SREK1: variants seen among roughly 807,000 people sequenced by gnomAD.
SREK1 encodes splicing regulatory glutamic acid and lysine rich protein 1.
In SREK1, 13 loss-of-function variants were observed where a neutral mutation model predicts 66.5. That is an observed-to-expected ratio of 0.20 (90% CI 0.13 to 0.31). SREK1 has a LOEUF of 0.31. SREK1 is among the 10% of genes least tolerant of loss of function. The pLI, the probability that SREK1 is intolerant of heterozygous loss-of-function variation, is 1.00. For missense variants in SREK1, 607 were observed against 769.6 expected (o/e 0.79, Z 2.50); for synonymous variants, 265 against 263.5 (o/e 1.01, Z -0.05).
At chr5:66,174,829 T>C in intron 9 of SREK1, 117 bp from the exon 10 acceptor site, 1 of 851,816 alleles carries the variant, frequency 1.2e-6, no homozygotes, top group South Asian at 1.9e-5. Context: ...AAGTTTAAAC[T>C]GGCCTCTAAA....
At chr5:66,152,036 G>A (rs1015639526) in intron 1 of SREK1, among the ~76,000 whole-genome samples, 1 of 151,720 alleles carries the variant, frequency 6.6e-6, no homozygotes, top group Non-Finnish European at 1.5e-5. Context: ...TAGTAGAGAC[G>A]GGGTTTCACC....
intron 10 of SREK1, among the ~76,000 whole-genome samples, chr5:66,175,484 C>T (rs1745985471): frequency 6.6e-6 from 1 of 152,066 alleles, no homozygotes. Flanking sequence ...AGTTTTTTAA[C>T]TAGGCTACAG....
chr5:66,151,696 G>C (rs1580622004), intron 1 of SREK1, among the ~76,000 whole-genome samples: 1 of 152,292 alleles, frequency 6.6e-6, no homozygotes, highest in East Asian at 1.9e-4. Flanking sequence ...TGTGCATACA[G>C]TTAACCTCAG....
At chr5:66,167,347 C>T (rs936732751) in intron 7 of SREK1, 2 of 152,164 alleles carry the variant, frequency 1.3e-5, no homozygotes, top group African/African-American at 4.8e-5. Context: ...TTTAAGTAAC[C>T]TTTATAGATT....
Position 66,153,610 on chromosome 5 carries a change from T to C in SREK1, c.295+14T>C, listed in dbSNP as rs368149251. On this transcript the variant is annotated intron_variant, in intron 2 of 11. Coordinates refer to ENST00000334121, the MANE Select transcript of SREK1 (RefSeq NM_001077199.3). ...CTTGTGCAGAAGGTTGGTATCTCGCTTTTTTTCCTCTTATTTGAATTTCTG... is the reference window on the plus strand; with the variant it reads ...CTTGTGCAGAAGGTTGGTATCTCGCCTTTTTTCCTCTTATTTGAATTTCTG... 3.1e-6 allele frequency: 5 copies of C among 1,612,986 alleles called. No homozygotes were observed. In the African/African-American group the frequency reaches 5.3e-5, roughly 17 times the overall value.
At chr5:66,164,610 T>TAGCC in intron 6 of SREK1, 173 bp from the exon 7 acceptor site, 1 of 1,532,880 alleles carries the variant, frequency 6.5e-7, no homozygotes, top group Non-Finnish European at 8.7e-7. Context: ...TGCTGCAGGG[T>TAGCC]GGCTGCACTC....
At chr5:66,147,244 C>CT (rs1007070677) in intron 1 of SREK1, among the ~76,000 whole-genome samples, 16 of 152,100 alleles carry the variant, frequency 1.1e-4, no homozygotes, top group African/African-American at 3.9e-4. Flanking sequence ...GTTTGTCATC[C>CT]TTTTTTTGTG....
chr5:66,145,273 G>C, intron 1 of SREK1: 1 of 607,910 alleles, frequency 1.6e-6, no homozygotes, highest in Non-Finnish European at 2.1e-6. Flanking sequence ...CCCAGATAGT[G>C]TATTTTGGAA....
chr5:66,175,386 CT>C (rs2112102170), intron 10 of SREK1, among the ~76,000 whole-genome samples: 1 of 152,258 alleles, frequency 6.6e-6, no homozygotes, highest in East Asian at 1.9e-4. Context: ...ACCAGGAAGT[CT>C]TTTTGTCACT....
intron 2 of SREK1, chr5:66,157,431 A>G (rs1318814146): frequency 1.0e-6 from 1 of 985,108 alleles, no homozygotes; most frequent in African/African-American, 1.7e-5. Context: ...AGGTGCATAC[A>G]TTAAGGTAGT....
At chr5:66,177,444 A>G (rs1746148504) in intron 10 of SREK1, 70 bp from the exon 11 acceptor site, 1 of 1,223,480 alleles carries the variant, frequency 8.2e-7, no homozygotes, top group Non-Finnish European at 1.1e-6. Context: ...TTAGAAAAGG[A>G]TATTTTGTCA....
chr5:66,146,075 A>G (rs571387018), intron 1 of SREK1, among the ~76,000 whole-genome samples: 16 of 152,220 alleles, frequency 1.1e-4, no homozygotes, highest in African/African-American at 3.9e-4. Context: ...ACGCACGTAC[A>G]TTTTGATTGA....
chr5:66,145,687 C>T (rs114986679), intron 1 of SREK1, among the ~76,000 whole-genome samples: 6,873 of 150,862 alleles, frequency 0.046, 182 homozygotes, highest in South Asian at 0.058. Context: ...ATCCATGTTC[C>T]TTTTACGAGC....
rs1441185318 is a variant in SREK1 at position 66,159,229 on chromosome 5, A to G, written c.306A>G (p.Pro102=). Residue 102 remains proline, a synonymous_variant, in exon 3 of 12, where the codon CCA becomes CCG. Transcript: ENST00000334121. ...AACTTGCCTCTGCAGGTAAAATCCCAGAGGAATCCAAAGCCCTCTCTTTAT... is the reference window on the plus strand; with the variant it reads ...AACTTGCCTCTGCAGGTAAAATCCCGGAGGAATCCAAAGCCCTCTCTTTAT... ...IVVPCAEGKI[P]EESKALSLLA... The G allele has an allele frequency of 6.2e-7, 1 of 1,611,716 alleles. No individual in the cohort carries two copies. Among genetic ancestry groups the G allele is most frequent in the Non-Finnish European group, 8.5e-7 (1 of 1,179,108 alleles).
intron 2 of SREK1, chr5:66,158,852 C>A (rs1420678328): frequency 7.7e-7 from 1 of 1,291,360 alleles, no homozygotes; most frequent in East Asian, 5.5e-5. Context: ...ACACAACTTT[C>A]GATCACCGCG....
At chr5:66,157,794 G>A in intron 2 of SREK1, 1 of 806,990 alleles carries the variant, frequency 1.2e-6, no homozygotes, top group Non-Finnish European at 1.5e-6. Context: ...GGTTTTATTT[G>A]CTTCCTATAA....
At chr5:66,148,081 T>C (rs527599125) in intron 1 of SREK1, among the ~76,000 whole-genome samples, 1 of 152,168 alleles carries the variant, frequency 6.6e-6, no homozygotes, top group South Asian at 2.1e-4. Flanking sequence ...GTGTGTCTTT[T>C]TGATTGTCAA....
chr5:66,162,114 T>G lies in SREK1; in HGVS notation c.417T>G (p.Gly139=). 1 of 1,610,536 alleles carries G rather than the reference T, an allele frequency of 6.2e-7. No homozygotes were observed. Among genetic ancestry groups the G allele is most frequent in the Admixed American group, 1.7e-5 (1 of 59,218 alleles). The change falls in exon 4 of 12, where the codon GGT becomes GGG. Residue 139 remains glycine, a synonymous_variant. Coordinates refer to ENST00000334121, the MANE Select transcript of SREK1 (RefSeq NM_001077199.3). ...IPTPNPLTTL[G]VSLSSLGAIP... The stretch of plus-strand genomic sequence containing the variant: ...TTTTTTTCTTCTTTCGATAGCTTGG[T>G]GTTTCACTTAGCAGTTTGGGAGCTA...
At chr5:66,177,727 G>T in intron 11 of SREK1, 69 bp downstream of exon 11, 1 of 1,366,588 alleles carries the variant, frequency 7.3e-7, no homozygotes, top group Non-Finnish European at 9.8e-7. Context: ...GTTTTAGACT[G>T]AAAGCTCTTT....
Sources: allele counts gnomAD v4.1 joint callset (sites outside exome capture counted in the v4.1 genomes callset), GRCh38; gene constraint gnomAD v4.1.1; transcripts MANE v1.5; gene names NCBI Gene and HGNC (gene_info 2026-07-23, HGNC 2026-07-21).